The following RAB17 variants were observed in gnomAD, a reference collection of about 807,000 sequenced individuals.
The protein encoded by RAB17 is RAB17, member RAS oncogene family.
RAB17 carries 15 observed loss-of-function variants against 19.3 expected under a neutral mutation model. The observed-to-expected ratio is 0.78, with a 90% CI of 0.52 to 1.20. The LOEUF (loss-of-function observed/expected upper bound fraction) is 1.20. RAB17 is among the 50% of genes most tolerant of loss of function. The probability of loss-of-function intolerance (pLI) is 0.00; values close to 1 mark genes in which losing one functional copy is unlikely to be tolerated. For missense variants in RAB17, 262 were observed against 269.3 expected (o/e 0.97, Z 0.19); for synonymous variants, 110 against 112.8 (o/e 0.97, Z 0.16).
intron 2 of RAB17, chr2:237,585,653 G>C (rs2081343852): frequency 5.1e-6 from 1 of 194,530 alleles, no homozygotes; most frequent in African/African-American, 2.4e-5. Flanking sequence ...CCGCTGAGTG[G>C]CCAGGGCCCA....
intron 2 of RAB17, among the ~76,000 whole-genome samples, chr2:237,582,079 C>T (rs1476682993): frequency 2.6e-5 from 4 of 152,258 alleles, no homozygotes; most frequent in Non-Finnish European, 2.9e-5. Context: ...GCTGCGCTCA[C>T]TTGGACTCCC....
Position 237,575,125 on chromosome 2 carries a change from T to C in RAB17, c.533A>G (p.Gln178Arg), listed in dbSNP as rs750353942. 6.2e-7 allele frequency: 1 copy of C among 1,612,572 alleles called. No homozygotes were observed. The highest frequency in any genetic ancestry group is 1.1e-5 in the South Asian group (1 of 90,932). ...CTCGTCGCTTCTCTGCAGTAGCTCT[T>C]GGGCTGTGAACAGCAAGAGGAGGGG... ...QVSEVFNTVA[Q>R]ELLQRSDEEG... Residue 178 changes from glutamine (Q) to arginine (R), a missense_variant, in exon 6 of 6, where the codon CAA (glutamine) becomes CGA (arginine). Coordinates refer to ENST00000264601, the MANE Select transcript of RAB17 (RefSeq NM_022449.4).
chr2:237,576,413 C>A (rs546092851), intron 4 of RAB17, among the ~76,000 whole-genome samples: 1 of 152,294 alleles, frequency 6.6e-6, no homozygotes, highest in African/African-American at 2.4e-5. Flanking sequence ...GGGCACAGCT[C>A]TGCTGCCAGG....
At chr2:237,579,338 A>T (rs898243223) in intron 2 of RAB17, 2 of 152,318 alleles carry the variant, frequency 1.3e-5, no homozygotes, top group African/African-American at 2.4e-5. Flanking sequence ...CGAGTGGCTC[A>T]AATTAGCAAA....
chr2:237,590,261 AT>A (rs915787052), intron 1 of RAB17, among the ~76,000 whole-genome samples: 3 of 152,176 alleles, frequency 2.0e-5, no homozygotes, highest in Non-Finnish European at 4.4e-5. Context: ...GCCATCAGAA[AT>A]CTGAACTAGG....
In RAB17 at chr2:237,575,012, G is replaced by A. The variant is rs369098612; in HGVS notation, c.*7C>T. On this transcript the variant is annotated 3_prime_UTR_variant, in exon 6 of 6. Transcript: ENST00000264601. The stretch of plus-strand genomic sequence containing the variant: ...GTCTTCCCCACAGCCCCCAGGAGTG[G>A]CTGCACCTAGTGGGCGCAGCATTTG... 1.8e-4 allele frequency: 296 copies of A among 1,602,284 alleles called. No individual in the cohort carries two copies. The highest frequency in any genetic ancestry group is 1.2e-3 in the Admixed American group (74 of 59,420).
intron 4 of RAB17, among the ~76,000 whole-genome samples, chr2:237,576,193 C>A (rs1273792693): frequency 1.3e-5 from 2 of 152,096 alleles, no homozygotes; most frequent in Admixed American, 1.3e-4. Context: ...AGCTCTCGCA[C>A]CATCCACCAT....
Position 237,575,061 on chromosome 2 carries a change from C to G in RAB17, c.597G>C (p.Leu199=), listed in dbSNP as rs967811925. Reference sequence around the variant, plus strand: ...TGGCCTGCCTCGCGGGCCCCTTGTTCAGAGCCACAGCTGCATCCCCCCGTA... The same window carrying G: ...TGGCCTGCCTCGCGGGCCCCTTGTTGAGAGCCACAGCTGCATCCCCCCGTA... ...QALRGDAAVA[L]NKGPARQAKC... Residue 199 remains leucine (L), a synonymous_variant, in exon 6 of 6, where the codon CTG becomes CTC. Coordinates refer to ENST00000264601, the MANE Select transcript of RAB17 (RefSeq NM_022449.4). 6.2e-7 allele frequency: 1 copy of G among 1,613,736 alleles called. No homozygotes were observed. The highest frequency in any genetic ancestry group is 8.5e-7 in the Non-Finnish European group (1 of 1,179,874).
rs143997510 is a variant in RAB17 at position 237,589,930 on chromosome 2, C to T, written c.-4+537G>A. On this transcript the variant is annotated intron_variant, in intron 1 of 5. Transcript: ENST00000264601. ...GATGAGTCTATCGGCAACTGTGATC[C>T]TGTGTCACCCTTGCCTGGGGCCTGT... Among the ~76,000 whole-genome samples the T allele has an allele frequency of 2.6e-5, 4 of 152,282 alleles. No individual in the cohort carries two copies. The East Asian group carries it at 7.7e-4, about 29-fold the overall frequency.
intron 4 of RAB17, 124 bp downstream of exon 4, chr2:237,577,133 A>G (rs1423163393): frequency 8.4e-7 from 1 of 1,195,622 alleles, no homozygotes; most frequent in African/African-American, 1.5e-5. Context: ...GTGTGTGTGC[A>G]CATGTGTAAG....
intron 3 of RAB17, 149 bp from the exon 4 acceptor site, chr2:237,577,531 T>A: frequency 2.3e-6 from 2 of 887,634 alleles, no homozygotes; most frequent in Non-Finnish European, 3.3e-6. Flanking sequence ...GCTGCTCCGT[T>A]CCTCTGAGGA....
intron 2 of RAB17, chr2:237,578,443 C>T (rs1473839407): frequency 7.0e-6 from 2 of 283,992 alleles, no homozygotes; most frequent in Non-Finnish European, 1.3e-5. Flanking sequence ...GCTACATATG[C>T]CGTGAAAGGG....
intron 2 of RAB17, chr2:237,579,256 T>C (rs536468201): frequency 6.6e-6 from 1 of 152,252 alleles, no homozygotes; most frequent in African/African-American, 2.4e-5. Context: ...AGCCACATGT[T>C]TAAAATAAAA....
intron 4 of RAB17, 109 bp from the exon 5 acceptor site, chr2:237,575,589 C>T: frequency 1.3e-6 from 1 of 772,306 alleles, no homozygotes. Context: ...GTGGAGCCCG[C>T]ACTCCTCCAC....
At chr2:237,588,967 A>G (rs57747957) in intron 1 of RAB17, among the ~76,000 whole-genome samples, 13,831 of 152,090 alleles carry the variant, frequency 0.091, 679 homozygotes, top group East Asian at 0.11. Flanking sequence ...TCATGCCTGT[A>G]AAGGCACTTT....
rs201963999 is a variant in RAB17 at position 237,577,291 on chromosome 2, G to C, written c.401C>G (p.Thr134Arg). The part of the protein sequence containing the change: ...EVLVMLVGNK[T>R]DLSQEREVTF... ...CACCTCCCGCTCCTGGCTGAGGTCC[G>C]TCTTGTTGCCCACCAGCATCACCAG... The change falls in exon 4 of 6, where the codon ACG becomes AGG. Residue 134 changes from threonine (T) to arginine (R), a missense_variant. Coordinates refer to ENST00000264601, the MANE Select transcript of RAB17 (RefSeq NM_022449.4). The C allele has an allele frequency of 2.5e-6, 4 of 1,613,774 alleles. No individual in the cohort carries two copies. The African/African-American group carries it at 5.3e-5, about 22-fold the overall frequency.
At chr2:237,578,679 A>T (rs1367904403) in intron 2 of RAB17, 1 of 154,106 alleles carries the variant, frequency 6.5e-6, no homozygotes, top group Admixed American at 6.3e-5. Context: ...ACCCTTCTCT[A>T]CTGTCCCCTC....
intron 1 of RAB17, among the ~76,000 whole-genome samples, chr2:237,586,672 C>T (rs930685358): frequency 6.6e-6 from 1 of 152,172 alleles, no homozygotes; most frequent in Non-Finnish European, 1.5e-5. Flanking sequence ...GTGTCTAAAG[C>T]CTCAGAACCC....
Position 237,575,488 on chromosome 2 carries a change from A to C in RAB17, c.436-8T>G. On this transcript the variant is annotated splice_region_variant and splice_polypyrimidine_tract_variant and intron_variant, in intron 4 of 5. Transcript: ENST00000264601. ...GGCAAACTCCTTCCCTTCCTGAAGG[A>C]AACAGCCACAAAATCCAGCGCTGTT... 6.2e-7 allele frequency: 1 copy of C among 1,602,242 alleles called. No individual in the cohort carries two copies. The highest frequency in any genetic ancestry group is 1.1e-5 in the South Asian group (1 of 89,332).
Sources: allele counts gnomAD v4.1 joint callset (sites outside exome capture counted in the v4.1 genomes callset), GRCh38; gene constraint gnomAD v4.1.1; transcripts MANE v1.5; gene names NCBI Gene and HGNC (gene_info 2026-07-23, HGNC 2026-07-21).